PCDHAC1: variants seen among roughly 807,000 people sequenced by gnomAD.
PCDHAC1 encodes protocadherin alpha-C1.
PCDHAC1 carries 42 observed loss-of-function variants against 60.0 expected under a neutral mutation model. The observed-to-expected ratio is 0.70, with a 90% CI of 0.55 to 0.90. The LOEUF (loss-of-function observed/expected upper bound fraction) is 0.90. Ranked by LOEUF, PCDHAC1 falls within the 40% of genes least tolerant of loss-of-function variation. The probability of loss-of-function intolerance (pLI) is 0.00; values close to 1 mark genes in which losing one functional copy is unlikely to be tolerated. For missense variants in PCDHAC1, 1,160 were observed against 1,222.3 expected (o/e 0.95, Z 0.76); for synonymous variants, 468 against 499.3 (o/e 0.94, Z 0.84).
chr5:140,968,886 A>T, intron 1 of PCDHAC1: 1 of 1,614,186 alleles, frequency 6.2e-7, no homozygotes, highest in Non-Finnish European at 8.5e-7. Flanking sequence ...ATTACCCTTT[A>T]TCTAATAATA....
At position 140,997,829 on chromosome 5, in the gene PCDHAC1, C is replaced by G. The variant is rs1294994549; in HGVS notation, c.2582-11798C>G. On this transcript the variant is annotated intron_variant, in intron 3 of 3. Transcript: ENST00000253807. ...GCTGTTGGTATCTATGTTTTCTAAA[C>G]AATACAATATACATTCTTATACATA... 2.0e-5 allele frequency among the ~76,000 whole-genome samples: 3 copies of G among 152,190 alleles called. No homozygotes were observed. The East Asian group carries it at 5.8e-4, about 29-fold the overall frequency.
Position 140,928,756 on chromosome 5 carries a change from C to T in PCDHAC1, c.1864C>T (p.Arg622Cys). 2.5e-6 allele frequency: 4 copies of T among 1,614,164 alleles called. No individual in the cohort carries two copies. The highest frequency in any genetic ancestry group is 3.4e-6 in the Non-Finnish European group (4 of 1,180,032). The change falls in exon 1 of 4, where the codon CGC (arginine) becomes TGC (cysteine). Residue 622 changes from arginine (R) to cysteine (C), a missense_variant. Arg to Cys is a radical substitution (Grantham distance 180, BLOSUM62 -3). Transcript: ENST00000253807. The stretch of plus-strand genomic sequence containing the variant: ...CAATATAGGTGAGCTCCGTACTGCT[C>T]GCTTAGTTCTTCCCACTGATGCAGT... ...SANIGELRTA[R>C]LVLPTDAVKQ...
At position 141,011,472 on chromosome 5, in the gene PCDHAC1, C is replaced by T. The variant is rs1347341869; in HGVS notation, c.*1535C>T. 40 of 153,652 alleles carry T rather than the reference C, an allele frequency of 2.6e-4. No individual in the cohort carries two copies. The highest frequency in any genetic ancestry group is 9.4e-4 in the African/African-American group (39 of 41,410). 9.5% of individuals were successfully genotyped at this position (153,652 alleles called of 1,614,324 possible). On this transcript the variant is annotated 3_prime_UTR_variant, in exon 4 of 4. Transcript: ENST00000253807. Reference sequence around the variant, plus strand: ...TAAGCTTTATTGTTGAATGTAATTCCATTATATTTCCTTTTGTACACCTGT... The same window carrying T: ...TAAGCTTTATTGTTGAATGTAATTCTATTATATTTCCTTTTGTACACCTGT...
intron 1 of PCDHAC1, among the ~76,000 whole-genome samples, chr5:140,973,993 G>T (rs1554235720): frequency 6.6e-6 from 1 of 152,122 alleles, no homozygotes. Flanking sequence ...ACTTCACCTG[G>T]ATCAATGTTT....
chr5:140,941,191 T>TTTTTTTTCTTTC (rs1554213809), intron 1 of PCDHAC1, among the ~76,000 whole-genome samples: 2 of 93,204 alleles, frequency 2.1e-5, no homozygotes, highest in African/African-American at 7.9e-5. Context: ...GCTTCTTTTT[T>TTTTTTTTCTTTC]TTTCTTTCTT....
At chr5:140,941,221 T>TTCTTTCTTTCTTTCTTTCTTTCTC (rs2092905955) in intron 1 of PCDHAC1, among the ~76,000 whole-genome samples, 1 of 131,536 alleles carries the variant, frequency 7.6e-6, no homozygotes, top group Admixed American at 7.9e-5. Context: ...CTTCCTTTCT[T>TTCTTTCTTTCTTTCTTTCTTTCTC]TCTTTCTTTC....
At chr5:140,949,603 A>G (rs1218724530) in intron 1 of PCDHAC1, among the ~76,000 whole-genome samples, 3 of 151,662 alleles carry the variant, frequency 2.0e-5, no homozygotes, top group Non-Finnish European at 4.4e-5. Flanking sequence ...TGGCCATTCT[A>G]GTCTCATGTT....
chr5:140,945,801 C>T (rs1371269109), intron 1 of PCDHAC1, among the ~76,000 whole-genome samples: 2 of 152,026 alleles, frequency 1.3e-5, no homozygotes, highest in East Asian at 3.9e-4. Context: ...GAAACTAGAC[C>T]CTTATCTCAC....
intron 3 of PCDHAC1, among the ~76,000 whole-genome samples, chr5:140,993,462 TCACACACACACACA>T (rs3836747): frequency 0.028 from 4,017 of 141,026 alleles, 179 homozygotes; most frequent in African/African-American, 0.099. Context: ...TCTTTCTTTC[TCACACACACACACA>T]CACACACACA....
chr5:140,963,829 A>G (rs1460358277), intron 1 of PCDHAC1, among the ~76,000 whole-genome samples: 1 of 152,180 alleles, frequency 6.6e-6, no homozygotes, highest in African/African-American at 2.4e-5. Context: ...CTTTACATAC[A>G]TTTTCTCATG....
intron 3 of PCDHAC1, among the ~76,000 whole-genome samples, chr5:140,995,853 A>G (rs934469128): frequency 4.6e-5 from 7 of 152,220 alleles, no homozygotes. Context: ...TTTCTATCGT[A>G]TCACTTAATA....
intron 3 of PCDHAC1, among the ~76,000 whole-genome samples, chr5:141,000,533 T>G (rs1554257655): frequency 3.4e-5 from 5 of 147,384 alleles, no homozygotes; most frequent in Admixed American, 1.4e-4. Context: ...GTTCAAGTGA[T>G]TCTCATGCCT....
At chr5:140,971,221 G>A (rs1234658755) in intron 1 of PCDHAC1, among the ~76,000 whole-genome samples, 1 of 152,082 alleles carries the variant, frequency 6.6e-6, no homozygotes, top group East Asian at 1.9e-4. Flanking sequence ...TCCCTCTCCT[G>A]ACTCAAAGCT....
intron 1 of PCDHAC1, among the ~76,000 whole-genome samples, chr5:140,942,855 A>G (rs1323763970): frequency 6.6e-6 from 1 of 152,110 alleles, no homozygotes; most frequent in African/African-American, 2.4e-5. Flanking sequence ...TAAGATGATT[A>G]TTTTGCTTTA....
intron 1 of PCDHAC1, among the ~76,000 whole-genome samples, chr5:140,944,182 G>T (rs542395513): frequency 1.3e-5 from 2 of 152,052 alleles, no homozygotes; most frequent in South Asian, 2.1e-4. Flanking sequence ...TTTTTTGTTG[G>T]TTTGTTTTGT....
chr5:140,942,759 G>A (rs2093365403), intron 1 of PCDHAC1, among the ~76,000 whole-genome samples: 1 of 152,074 alleles, frequency 6.6e-6, no homozygotes, highest in Admixed American at 6.6e-5. Context: ...AAATGAGATG[G>A]CATAATGTAT....
chr5:140,966,190 C>G (rs1251814900), intron 1 of PCDHAC1: 1 of 203,228 alleles, frequency 4.9e-6, no homozygotes, highest in Non-Finnish European at 9.7e-6. Context: ...AGCCAGACTT[C>G]TAGGGGCTTG....
intron 3 of PCDHAC1, among the ~76,000 whole-genome samples, chr5:140,991,929 C>T (rs1250639930): frequency 1.3e-5 from 2 of 152,088 alleles, no homozygotes; most frequent in South Asian, 2.1e-4. Flanking sequence ...ATAACATATT[C>T]ACAAGTTCTA....
Position 140,927,891 on chromosome 5 carries a change from GA to G in PCDHAC1, c.1001del (p.Asn334ThrfsTer10), listed in dbSNP as rs1554205193. On this transcript the variant is annotated frameshift_variant, in exon 1 of 4. Transcript: ENST00000253807. LOFTEE classifies it high-confidence loss of function. The part of the protein sequence containing the change: ...AKLLVEVTDV[N>X]DHAPELDFLT... ...AACTGCTGGTGGAGGTGACTGACGT[GA>G]ACGATCATGCCCCCGAACTGGACTT... The G allele has an allele frequency of 6.2e-7, 1 of 1,614,192 alleles. No homozygotes were observed. Among genetic ancestry groups the G allele is most frequent in the Admixed American group, 1.7e-5 (1 of 60,018 alleles).
Sources: allele counts gnomAD v4.1 joint callset (sites outside exome capture counted in the v4.1 genomes callset), GRCh38; gene constraint gnomAD v4.1.1; transcripts MANE v1.5; gene names NCBI Gene and HGNC (gene_info 2026-07-23, HGNC 2026-07-21).